The following CSGALNACT1 variants were observed in gnomAD, a reference collection of about 807,000 sequenced individuals.
CSGALNACT1 encodes beta4GalNAcT-1.
CSGALNACT1 carries 52 observed loss-of-function variants against 51.0 expected under a neutral mutation model. The observed-to-expected ratio is 1.02, with a 90% CI of 0.82 to 1.29. The LOEUF is 1.29. Among genes scored for constraint, CSGALNACT1 ranks in the 50% most tolerant of loss-of-function variants. The probability of loss-of-function intolerance (pLI) is 0.00; values close to 1 mark genes in which losing one functional copy is unlikely to be tolerated. For synonymous variants in CSGALNACT1, 341 were observed against 254.4 expected (o/e 1.34, Z -3.24); for missense variants, 935 against 679.2 (o/e 1.38, Z -4.19).
chr8:19,471,042 G>C (rs1397302688), intron 4 of CSGALNACT1, among the ~76,000 whole-genome samples: 2 of 151,952 alleles, frequency 1.3e-5, no homozygotes, highest in Admixed American at 1.3e-4. Context: ...GTTTCAGTGA[G>C]CCAAGATCAC....
At chr8:19,422,799 G>A (rs569754285) in intron 6 of CSGALNACT1, among the ~76,000 whole-genome samples, 9 of 152,166 alleles carry the variant, frequency 5.9e-5, no homozygotes, top group East Asian at 5.8e-4. Context: ...TTCCCTTCCC[G>A]GTTTGGTCAG....
intron 1 of CSGALNACT1, among the ~76,000 whole-genome samples, chr8:19,660,010 T>A (rs530477114): frequency 6.6e-6 from 1 of 152,284 alleles, no homozygotes; most frequent in East Asian, 1.9e-4. Flanking sequence ...AAGTACAAGG[T>A]AGTACTATTA....
chr8:19,744,433 A>T (rs908402441), intron 1 of CSGALNACT1, among the ~76,000 whole-genome samples: 4 of 152,194 alleles, frequency 2.6e-5, no homozygotes, highest in African/African-American at 9.7e-5. Context: ...AATCCCAGAG[A>T]GTCCAGATGT....
At chr8:19,656,911 C>T (rs1026653103) in intron 1 of CSGALNACT1, among the ~76,000 whole-genome samples, 1 of 151,558 alleles carries the variant, frequency 6.6e-6, no homozygotes, top group East Asian at 1.9e-4. Flanking sequence ...ATTAAAAATA[C>T]AAAAATTAGC....
At chr8:19,507,528 GAAAAAAA>G (rs35759799) in intron 3 of CSGALNACT1, among the ~76,000 whole-genome samples, 1,160 of 74,908 alleles carry the variant, frequency 0.015, 35 homozygotes, top group African/African-American at 0.057. Context: ...ATCTTAGCCA[GAAAAAAA>G]AAAAAAAAAA....
chr8:19,643,856 C>T (rs1029140324), intron 1 of CSGALNACT1, among the ~76,000 whole-genome samples: 3 of 152,176 alleles, frequency 2.0e-5, no homozygotes, highest in East Asian at 3.8e-4. Context: ...GGCTCAGTCA[C>T]TCGGGTAAAC....
chr8:19,539,907 G>C (rs933046356), intron 3 of CSGALNACT1, among the ~76,000 whole-genome samples: 1 of 152,158 alleles, frequency 6.6e-6, no homozygotes, highest in East Asian at 1.9e-4. Flanking sequence ...AGGTAGCCTG[G>C]AAAGAAAGTT....
At chr8:19,449,421 G>A (rs1322593025) in intron 5 of CSGALNACT1, among the ~76,000 whole-genome samples, 2 of 152,118 alleles carry the variant, frequency 1.3e-5, no homozygotes, top group African/African-American at 2.4e-5. Context: ...TCCTGTTGGG[G>A]AACACAAAGA....
chr8:19,472,980 T>C (rs980608876), intron 4 of CSGALNACT1, among the ~76,000 whole-genome samples: 2 of 152,218 alleles, frequency 1.3e-5, no homozygotes, highest in Non-Finnish European at 2.9e-5. Flanking sequence ...GTTCTTACTA[T>C]TATTATCATG....
intron 2 of CSGALNACT1, among the ~76,000 whole-genome samples, chr8:19,597,747 A>G (rs566202864): frequency 3.6e-4 from 55 of 152,258 alleles, no homozygotes; most frequent in Non-Finnish European, 6.8e-4. Flanking sequence ...GCAGCAAATG[A>G]TGATAACATT....
intron 1 of CSGALNACT1, among the ~76,000 whole-genome samples, chr8:19,676,045 A>C (rs1162599237): frequency 6.8e-6 from 1 of 147,016 alleles, no homozygotes; most frequent in Admixed American, 7.1e-5. Context: ...AACTACTTGC[A>C]GCCTGAACCT....
intron 1 of CSGALNACT1, among the ~76,000 whole-genome samples, chr8:19,717,760 C>G (rs2062891957): frequency 6.6e-6 from 1 of 152,214 alleles, no homozygotes; most frequent in East Asian, 1.9e-4. Context: ...AGGTTATGTT[C>G]TGCAAGACTA....
intron 4 of CSGALNACT1, among the ~76,000 whole-genome samples, chr8:19,470,887 G>A (rs898207341): frequency 6.6e-6 from 1 of 152,114 alleles, no homozygotes; most frequent in Admixed American, 6.5e-5. Flanking sequence ...CCTGAGGTCA[G>A]GAGTTCCAGA....
chr8:19,464,723 T>C (rs1221069293), intron 4 of CSGALNACT1, among the ~76,000 whole-genome samples: 2 of 152,106 alleles, frequency 1.3e-5, no homozygotes, highest in Non-Finnish European at 2.9e-5. Flanking sequence ...CTTATGAGAA[T>C]TGAAATAATG....
At chr8:19,718,666 G>A (rs183660172) in intron 1 of CSGALNACT1, among the ~76,000 whole-genome samples, 4 of 151,838 alleles carry the variant, frequency 2.6e-5, no homozygotes, top group Non-Finnish European at 4.4e-5. Flanking sequence ...TCACTTCCCC[G>A]GCCCAAAACA....
chr8:19,667,664 T>G (rs2059488704), intron 1 of CSGALNACT1, among the ~76,000 whole-genome samples: 1 of 151,032 alleles, frequency 6.6e-6, no homozygotes, highest in South Asian at 2.1e-4. Flanking sequence ...ACCCTAAGAC[T>G]AACGTCTCTT....
At chr8:19,697,031 C>A (rs2061621247) in intron 1 of CSGALNACT1, among the ~76,000 whole-genome samples, 1 of 152,054 alleles carries the variant, frequency 6.6e-6, no homozygotes, top group Non-Finnish European at 1.5e-5. Flanking sequence ...TGGCAGAGGG[C>A]CTGTGTGTGC....
intron 1 of CSGALNACT1, among the ~76,000 whole-genome samples, chr8:19,616,422 C>A (rs981608674): frequency 2.6e-5 from 4 of 152,090 alleles, no homozygotes; most frequent in Admixed American, 6.6e-5. Context: ...ATTGTAGAAT[C>A]CTGACCCTCC....
rs965073318 is a variant in CSGALNACT1 at position 19,432,206 on chromosome 8, C to G, written c.953+7624G>C. Among the ~76,000 whole-genome samples, 3 of 152,188 alleles carry G rather than the reference C, an allele frequency of 2.0e-5. No individual in the cohort carries two copies. In the East Asian group the frequency reaches 5.8e-4, roughly 29 times the overall value. ...TCTGGGAATGTCCTAATTTTGCCTT[C>G]ATTTGTAAGGAATGGTTTTGCTGAT... On this transcript the variant is annotated intron_variant, in intron 6 of 9. Coordinates refer to ENST00000454498, the Ensembl canonical transcript of CSGALNACT1.
Sources: allele counts gnomAD v4.1 joint callset (sites outside exome capture counted in the v4.1 genomes callset), GRCh38; gene constraint gnomAD v4.1.1; transcripts MANE v1.5; gene names NCBI Gene and HGNC (gene_info 2026-07-23, HGNC 2026-07-21).